Variants in GLYATL1 observed in about 807,000 individuals in gnomAD.
GLYATL1 encodes the protein glycine-N-acyltransferase like 1.
In GLYATL1, 15 loss-of-function variants were observed where a neutral mutation model predicts 20.0. That is an observed-to-expected ratio of 0.75 (90% CI 0.50 to 1.15). The LOEUF is 1.15. GLYATL1 is among the 50% of genes most tolerant of loss of function. The pLI, the probability that GLYATL1 is intolerant of heterozygous loss-of-function variation, is 0.00. For missense variants in GLYATL1, 380 were observed against 368.5 expected, an observed-to-expected ratio of 1.03 and a Z score of -0.26; for synonymous variants, 151 against 131.5, an observed-to-expected ratio of 1.15 and a Z score of -1.01.
upstream of GLYATL1, among the ~76,000 whole-genome samples, chr11:58,936,261 A>G (rs489846): frequency 0.42 from 63,625 of 152,108 alleles, 13,654 homozygotes; most frequent in Admixed American, 0.49. Context: ...GAAGAGATTC[A>G]TGATGAGATA....
At chr11:58,943,427 AC>A (rs1435757403) in intron 1 of GLYATL1, 115 bp from the exon 2 acceptor site, 4 of 1,522,218 alleles carry the variant, frequency 2.6e-6, no homozygotes, top group Non-Finnish European at 3.5e-6. Flanking sequence ...ACCACGAGGC[AC>A]CCCCGGAGCC....
At chr11:58,909,040 G>T (rs2134643053), downstream of GLYATL1, among the ~76,000 whole-genome samples, 1 of 152,210 alleles carries the variant, frequency 6.6e-6, no homozygotes, top group East Asian at 1.9e-4. Context: ...GCTGGTTTTT[G>T]ACCCACACTA....
downstream of GLYATL1, among the ~76,000 whole-genome samples, chr11:58,913,162 C>T (rs1431276299): frequency 6.6e-6 from 1 of 151,882 alleles, no homozygotes; most frequent in Non-Finnish European, 1.5e-5. Flanking sequence ...GAACACTCCA[C>T]TCTCATAGGC....
intron 4 of GLYATL1, among the ~76,000 whole-genome samples, chr11:58,953,631 C>T (rs1400642724): frequency 6.6e-6 from 1 of 151,848 alleles, no homozygotes; most frequent in Non-Finnish European, 1.5e-5. Context: ...TTATATATTT[C>T]CTTGACTATT....
chr11:58,925,602 G>T (rs1240557059), upstream of GLYATL1, among the ~76,000 whole-genome samples: 2 of 151,558 alleles, frequency 1.3e-5, no homozygotes, highest in African/African-American at 2.4e-5. Flanking sequence ...CTTTCTAGGG[G>T]TGGACATATG....
chr11:58,953,700 TA>T (rs370882664), intron 4 of GLYATL1, among the ~76,000 whole-genome samples: 1 of 152,288 alleles, frequency 6.6e-6, no homozygotes, highest in African/African-American at 2.4e-5. Flanking sequence ...TCTACTCTTC[TA>T]AATTCACTGA....
chr11:58,923,538 G>T (rs892110487), upstream of GLYATL1, among the ~76,000 whole-genome samples: 1 of 152,048 alleles, frequency 6.6e-6, no homozygotes, highest in African/African-American at 2.4e-5. Flanking sequence ...GGCATGATTT[G>T]CAAAGGGAGT....
At chr11:58,946,859 C>A in intron 2 of GLYATL1, 187 bp from the exon 3 acceptor site, 2 of 625,896 alleles carry the variant, frequency 3.2e-6, no homozygotes, top group Admixed American at 2.5e-5. Flanking sequence ...GTTTCAAAAT[C>A]TGACTCTGGC....
chr11:58,911,428 AATTTTGC>A (rs779699832), downstream of GLYATL1, among the ~76,000 whole-genome samples: 2 of 152,228 alleles, frequency 1.3e-5, no homozygotes, highest in African/African-American at 4.8e-5. Context: ...ATGGCTGTAT[AATTTTGC>A]ATCCTCGCTA....
At chr11:58,912,833 C>A (rs904808713), downstream of GLYATL1, among the ~76,000 whole-genome samples, 3 of 152,136 alleles carry the variant, frequency 2.0e-5, no homozygotes, top group African/African-American at 7.2e-5. Context: ...CTCTTGTGGA[C>A]CTTACGTTTT....
At position 58,943,680 on chromosome 11, in the gene GLYATL1, C is replaced by T. The variant is rs757372661; in HGVS notation, c.-43+14C>T. ...TGAGGATAATAGGTAAGCTCCCTCT[C>T]GCATTTTGGAGCTTCACACGTTGGT... On this transcript the variant is annotated intron_variant, in intron 2 of 6. Transcript: ENST00000532726. The T allele has an allele frequency of 6.8e-6, 11 of 1,610,654 alleles. No homozygotes were observed. The highest frequency in any genetic ancestry group is 4.0e-5 in the African/African-American group (3 of 74,732).
chr11:58,905,494 C>T (rs1002876013), exon 1 of GLYATL1: 1 of 456,302 alleles, frequency 2.2e-6, no homozygotes. Context: ...TGCAGCTCTC[C>T]TCAGCGCGCT....
At chr11:58,949,551 T>C (rs1403700975) in intron 4 of GLYATL1, among the ~76,000 whole-genome samples, 2 of 152,210 alleles carry the variant, frequency 1.3e-5, no homozygotes, top group African/African-American at 4.8e-5. Context: ...ATTATATGTA[T>C]TTTAGCAACG....
chr11:58,953,293 G>A (rs916107580), intron 4 of GLYATL1, among the ~76,000 whole-genome samples: 11 of 151,342 alleles, frequency 7.3e-5, no homozygotes, highest in Non-Finnish European at 1.3e-4. Flanking sequence ...TCTTTTATCA[G>A]TAAATATCTT....
chr11:58,942,894 G>A (rs1325231492), intron 1 of GLYATL1, among the ~76,000 whole-genome samples: 2 of 152,130 alleles, frequency 1.3e-5, no homozygotes, highest in Non-Finnish European at 2.9e-5. Flanking sequence ...GAAAAAACAA[G>A]AGAGTGTGTT....
chr11:58,936,895 A>G (rs76121428), upstream of GLYATL1, among the ~76,000 whole-genome samples: 33 of 152,306 alleles, frequency 2.2e-4, no homozygotes, highest in African/African-American at 7.9e-4. Flanking sequence ...TCACCAACCC[A>G]GAACAGTTTA....
chr11:58,947,350 C>A, intron 3 of GLYATL1, 185 bp downstream of exon 3: 2 of 781,744 alleles, frequency 2.6e-6, no homozygotes, highest in Non-Finnish European at 3.9e-6. Flanking sequence ...GCAGCTAGGT[C>A]CACTCTGCAG....
At chr11:58,932,987 T>A (rs568375595) in intron 1 of GLYATL1, among the ~76,000 whole-genome samples, 326 of 152,298 alleles carry the variant, frequency 2.1e-3, no homozygotes, top group Non-Finnish European at 3.4e-3. Context: ...TGCTTTTGAA[T>A]GTAGAATATG....
chr11:58,924,208 T>A (rs1033931052), upstream of GLYATL1, among the ~76,000 whole-genome samples: 2 of 152,232 alleles, frequency 1.3e-5, no homozygotes, highest in Non-Finnish European at 2.9e-5. Flanking sequence ...CACTTATGGA[T>A]AATTAACATG....
Sources: allele counts gnomAD v4.1 joint callset (sites outside exome capture counted in the v4.1 genomes callset), GRCh38; gene constraint gnomAD v4.1.1; transcripts MANE v1.5; gene names NCBI Gene and HGNC (gene_info 2026-07-23, HGNC 2026-07-21).